TULP4: variants seen among roughly 807,000 people sequenced by gnomAD.
TULP4 encodes the protein TUB like protein 4, also known as tubby-related protein 4.
Under a neutral mutation model 129.0 loss-of-function variants are expected in TULP4, and 16 were observed. The ratio of observed to expected loss-of-function variants is 0.12; its 90% CI spans 0.08 to 0.19. TULP4 has a LOEUF of 0.19. Among genes scored for constraint, TULP4 ranks in the 10% least tolerant of loss-of-function variants. The pLI is 1.00. For missense variants in TULP4, 1,842 were observed against 2,059.1 expected (o/e 0.89, Z 2.04); for synonymous variants, 998 against 854.0 (o/e 1.17, Z -2.94).
At chr6:158,331,716 C>CGTGT (rs1562523069) in intron 1 of TULP4, among the ~76,000 whole-genome samples, 5 of 50,192 alleles carry the variant, frequency 1.0e-4, no homozygotes, top group East Asian at 1.1e-3. Context: ...CACACACACA[C>CGTGT]ACACACACAC....
intron 8 of TULP4, among the ~76,000 whole-genome samples, chr6:158,486,353 A>G (rs1456709379): frequency 6.6e-6 from 1 of 152,190 alleles, no homozygotes; most frequent in Non-Finnish European, 1.5e-5. Context: ...GGAGATCAAG[A>G]CCATCCTGGC....
At chr6:158,242,403 T>G in intron 1 of TULP4, 1 of 1,408,474 alleles carries the variant, frequency 7.1e-7, no homozygotes, top group Non-Finnish European at 1.0e-6. Flanking sequence ...ATCATAAGCA[T>G]CGTGGGAGTT....
At chr6:158,242,644 A>AG (rs1777945420) in intron 1 of TULP4, 1 of 686,070 alleles carries the variant, frequency 1.5e-6, no homozygotes, top group Non-Finnish European at 2.7e-6. Flanking sequence ...GCTTCTCTGA[A>AG]ACTTCCTTTC....
chr6:158,388,618 C>T lies in TULP4; in HGVS notation c.253-24447C>T, dbSNP rs565108780. Among the ~76,000 whole-genome samples the T allele has an allele frequency of 5.3e-4, 79 of 147,854 alleles. 1 individual carries two copies. In the Middle Eastern group the frequency reaches 0.011, roughly 20 times the overall value. On this transcript the variant is annotated intron_variant, in intron 1 of 13. Coordinates refer to ENST00000367097, the MANE Select transcript of TULP4 (RefSeq NM_020245.5). ...TGCTGGGATTACAGGCGTGAGCCAC[C>T]GTGCCCGGCCTAATAATCTGCTCAT...
chr6:158,267,815 A>G (rs1316261189), intron 1 of TULP4, among the ~76,000 whole-genome samples: 3 of 152,042 alleles, frequency 2.0e-5, no homozygotes, highest in Admixed American at 1.3e-4. Flanking sequence ...ACATTGCCTA[A>G]AGCCCTGTAG....
intron 1 of TULP4, among the ~76,000 whole-genome samples, chr6:158,348,570 CCTT>C (rs1427059897): frequency 6.6e-6 from 1 of 152,168 alleles, no homozygotes; most frequent in Admixed American, 6.5e-5. Flanking sequence ...TCCTATGTCT[CCTT>C]CTTTCTACAC....
At chr6:158,430,552 G>A (rs1583867577) in intron 3 of TULP4, among the ~76,000 whole-genome samples, 1 of 152,224 alleles carries the variant, frequency 6.6e-6, no homozygotes, top group East Asian at 1.9e-4. Context: ...AGACCAGCCT[G>A]ACCAATATGG....
chr6:158,466,697 T>C (rs598665), intron 6 of TULP4, among the ~76,000 whole-genome samples: 63,548 of 152,084 alleles, frequency 0.42, 14,580 homozygotes, highest in African/African-American at 0.62. Flanking sequence ...TCTGAGTGCT[T>C]GTGTTTCAGG....
chr6:158,255,680 A>C (rs1274434333), intron 1 of TULP4, among the ~76,000 whole-genome samples: 5 of 152,240 alleles, frequency 3.3e-5, no homozygotes, highest in Non-Finnish European at 7.3e-5. Context: ...AGCCAACAGC[A>C]GAGAGAACTC....
At chr6:158,457,452 G>A (rs772815643) in intron 5 of TULP4, among the ~76,000 whole-genome samples, 5 of 152,182 alleles carry the variant, frequency 3.3e-5, no homozygotes, top group Non-Finnish European at 7.3e-5. Flanking sequence ...GGTTTGCTGA[G>A]GAAGTTCTGC....
At chr6:158,504,517 T>C (rs1007307402) in intron 13 of TULP4, among the ~76,000 whole-genome samples, 26 of 151,442 alleles carry the variant, frequency 1.7e-4, no homozygotes, top group South Asian at 8.3e-4. Flanking sequence ...CGGCTAATTT[T>C]TTTTTTTTTT....
rs368228684 is a variant in TULP4, at chr6:158,346,278, G to A, written c.252+32010G>A. On this transcript the variant is annotated intron_variant, in intron 1 of 13. Transcript: ENST00000367097. ...AGGATTAAGAGATTAAAGTAAGACA[G>A]GCATAAGAAATTATGAAAGTATTAT... Among the ~76,000 whole-genome samples the A allele has an allele frequency of 2.6e-5, 4 of 152,328 alleles. No individual in the cohort carries two copies. The East Asian group carries it at 5.8e-4, about 22-fold the overall frequency.
chr6:158,414,194 A>T (rs1778156551), intron 2 of TULP4, among the ~76,000 whole-genome samples: 1 of 152,246 alleles, frequency 6.6e-6, no homozygotes, highest in Admixed American at 6.5e-5. Context: ...GATTTGGTAG[A>T]GTAAATGTAA....
At chr6:158,290,656 C>T (rs1442864563) in intron 1 of TULP4, among the ~76,000 whole-genome samples, 1 of 151,996 alleles carries the variant, frequency 6.6e-6, no homozygotes, top group East Asian at 1.9e-4. Flanking sequence ...TAGTGATTGC[C>T]CTTTAAATTT....
intron 1 of TULP4, among the ~76,000 whole-genome samples, chr6:158,252,378 T>A (rs1778160344): frequency 6.6e-6 from 1 of 152,106 alleles, no homozygotes; most frequent in South Asian, 2.1e-4. Flanking sequence ...TATAAGCTTT[T>A]GTTTATTTAC....
chr6:158,427,112 T>G (rs377421743), intron 2 of TULP4, among the ~76,000 whole-genome samples: 1 of 152,140 alleles, frequency 6.6e-6, no homozygotes, highest in African/African-American at 2.4e-5. Context: ...GATAGACAAA[T>G]TATGGTATAT....
chr6:158,453,485 C>CAAAAAAAAAAAAAAAAAAAAAA lies in TULP4; in HGVS notation c.859+1220_859+1241dup, dbSNP rs869146924. 3.3e-4 allele frequency among the ~76,000 whole-genome samples: 6 copies of CAAAAAAAAAAAAAAAAAAAAAA among 17,982 alleles called. 1 individual carries two copies. Among genetic ancestry groups the CAAAAAAAAAAAAAAAAAAAAAA allele is most frequent in the African/African-American group, 8.3e-4 (4 of 4,794 alleles). The allele number at this position is 17,982 out of a possible 152,430, so 11.8% of individuals were successfully genotyped here. On this transcript the variant is annotated intron_variant, in intron 5 of 13. Coordinates refer to ENST00000367097, the MANE Select transcript of TULP4 (RefSeq NM_020245.5). Reference sequence around the variant, plus strand: ...GGTGACAGAGCGAGACTCTGTCTCACAAAAAAAAAAAAAAAAAAAAAAAAG... The same window carrying CAAAAAAAAAAAAAAAAAAAAAA: ...GGTGACAGAGCGAGACTCTGTCTCACAAAAAAAAAAAAAAAAAAAAAAAAAAAAAAAAAAAAAAAAAAAAAAG...
At chr6:158,471,451 C>G (rs1174475103) in intron 6 of TULP4, among the ~76,000 whole-genome samples, 3 of 152,132 alleles carry the variant, frequency 2.0e-5, no homozygotes, top group African/African-American at 7.2e-5. Flanking sequence ...AATTGGGCAG[C>G]CATGGCATCA....
intron 1 of TULP4, among the ~76,000 whole-genome samples, chr6:158,338,273 A>C (rs1179948159): frequency 1.3e-5 from 2 of 152,184 alleles, no homozygotes; most frequent in African/African-American, 4.8e-5. Flanking sequence ...AATTATAGTC[A>C]GTCTTCCAAA....
Sources: gnomAD v4.1 joint callset for allele counts (sites outside exome capture counted in the v4.1 genomes callset) on GRCh38, gnomAD v4.1.1 for gene constraint, MANE v1.5 for transcripts, NCBI Gene and HGNC (gene_info 2026-07-23, HGNC 2026-07-21) for gene names.